Variants in SNX29 observed in about 807,000 individuals in gnomAD.
SNX29 encodes the protein sorting nexin 29, also known as sorting nexin-29.
In SNX29, 78 loss-of-function variants were observed where a neutral mutation model predicts 102.1. That is an observed-to-expected ratio of 0.76 (90% CI 0.64 to 0.92). The LOEUF (loss-of-function observed/expected upper bound fraction) is 0.92. Ranked by LOEUF, SNX29 falls within the 40% of genes least tolerant of loss-of-function variation. The pLI is 0.00. For synonymous variants in SNX29, 580 were observed against 414.5 expected, an observed-to-expected ratio of 1.40 and a Z score of -4.85; for missense variants, 1,280 against 1,061.7, an observed-to-expected ratio of 1.21 and a Z score of -2.86.
chr16:12,329,625 C>G (rs191243599), intron 15 of SNX29, among the ~76,000 whole-genome samples: 4 of 152,212 alleles, frequency 2.6e-5, no homozygotes, highest in Admixed American at 2.6e-4. Context: ...ATGCAATAAA[C>G]AGGAGTGTGT....
At chr16:12,083,940 G>A (rs1256597776) in intron 11 of SNX29, among the ~76,000 whole-genome samples, 1 of 152,180 alleles carries the variant, frequency 6.6e-6, no homozygotes, top group African/African-American at 2.4e-5. Context: ...GCGGATAATT[G>A]TGAAGTCTTC....
chr16:12,539,691 G>C (rs2077236426), intron 20 of SNX29, among the ~76,000 whole-genome samples: 1 of 152,236 alleles, frequency 6.6e-6, no homozygotes, highest in Non-Finnish European at 1.5e-5. Context: ...ACCCTGGGCA[G>C]CATGTCATAC....
intron 3 of SNX29, among the ~76,000 whole-genome samples, chr16:12,010,620 C>G (rs1221944281): frequency 6.6e-6 from 1 of 152,100 alleles, no homozygotes; most frequent in Non-Finnish European, 1.5e-5. Context: ...GAGACCTCGT[C>G]TCAAAACAAA....
At chr16:12,397,452 C>T (rs1191296325) in intron 16 of SNX29, among the ~76,000 whole-genome samples, 1 of 152,178 alleles carries the variant, frequency 6.6e-6, no homozygotes, top group African/African-American at 2.4e-5. Flanking sequence ...TACCTGTCCT[C>T]AGGTTCACTG....
intron 20 of SNX29, among the ~76,000 whole-genome samples, chr16:12,554,301 G>T (rs1021304739): frequency 6.6e-6 from 1 of 152,206 alleles, no homozygotes; most frequent in Non-Finnish European, 1.5e-5. Context: ...TTCATATGAG[G>T]TTTCAGTTTT....
intron 20 of SNX29, among the ~76,000 whole-genome samples, chr16:12,538,831 A>C (rs2077194542): frequency 6.6e-6 from 1 of 152,152 alleles, no homozygotes; most frequent in Admixed American, 6.5e-5. Context: ...GGGCACTGCA[A>C]AGTCACGTGG....
chr16:12,375,305 T>A (rs949025479), intron 16 of SNX29: 2 of 152,208 alleles, frequency 1.3e-5, no homozygotes, highest in African/African-American at 4.8e-5. Context: ...AATTTAGAAA[T>A]AGCTAAAAGG....
intron 14 of SNX29, among the ~76,000 whole-genome samples, chr16:12,234,806 C>T (rs1424827055): frequency 6.6e-6 from 1 of 152,176 alleles, no homozygotes; most frequent in Non-Finnish European, 1.5e-5. Flanking sequence ...AGGGCTATGT[C>T]CGTCTGCCTA....
chr16:11,989,359 G>C (rs147341850), intron 1 of SNX29, among the ~76,000 whole-genome samples: 1 of 152,076 alleles, frequency 6.6e-6, no homozygotes, highest in Admixed American at 6.6e-5. Flanking sequence ...TGGATGGCCC[G>C]AGCCCATCTG....
chr16:12,003,060 TAAA>T lies in SNX29; in HGVS notation c.122+19_122+21del. On this transcript the variant is annotated intron_variant, in intron 3 of 20. Coordinates refer to ENST00000566228, the MANE Select transcript of SNX29 (RefSeq NM_032167.5). ...CGACAGCAGGTAAATATGTCACTTC[TAAA>T]ACCGTTGACCATCGAGGTTGGAAAG... The T allele has an allele frequency of 6.2e-7, 1 of 1,613,990 alleles. No homozygotes were observed. Among genetic ancestry groups the T allele is most frequent in the South Asian group, 1.1e-5 (1 of 91,000 alleles).
chr16:12,334,051 GGGAAGCGAAAACAT>G (rs2081372707), intron 15 of SNX29, among the ~76,000 whole-genome samples: 2 of 152,252 alleles, frequency 1.3e-5, no homozygotes, highest in Middle Eastern at 3.4e-3. Flanking sequence ...CGGCCTTGTA[GGGAAGCGAAAACAT>G]GGCTCATCCC....
At chr16:12,243,305 C>A (rs530408108) in intron 14 of SNX29, among the ~76,000 whole-genome samples, 8 of 152,224 alleles carry the variant, frequency 5.3e-5, no homozygotes, top group Non-Finnish European at 1.0e-4. Context: ...ACCCCCTAGC[C>A]TGGACAGGTT....
intron 1 of SNX29, among the ~76,000 whole-genome samples, chr16:11,979,296 A>AAAAAAAAAAAAAAAAAAAAAAC (rs2055366519): frequency 6.7e-6 from 1 of 149,968 alleles, no homozygotes; most frequent in African/African-American, 2.5e-5. Flanking sequence ...AAAAAAAAAA[A>AAAAAAAAAAAAAAAAAAAAAAC]AAATCGTTAC....
At chr16:12,555,852 C>G (rs994932863) in intron 20 of SNX29, among the ~76,000 whole-genome samples, 1 of 152,210 alleles carries the variant, frequency 6.6e-6, no homozygotes, top group Non-Finnish European at 1.5e-5. Context: ...CCCTCACCAC[C>G]TCCATCATTT....
At chr16:12,145,259 GAA>G (rs2055019660) in intron 13 of SNX29, among the ~76,000 whole-genome samples, 1 of 151,916 alleles carries the variant, frequency 6.6e-6, no homozygotes, top group African/African-American at 2.4e-5. Context: ...TCAAAATGGG[GAA>G]AAGAGTCCCA....
chr16:12,171,989 A>G (rs2076159760), intron 13 of SNX29, among the ~76,000 whole-genome samples: 1 of 152,186 alleles, frequency 6.6e-6, no homozygotes, highest in Non-Finnish European at 1.5e-5. Flanking sequence ...TGAGATTGCC[A>G]GCAGACATCC....
At chr16:12,166,193 A>G (rs2056014243) in intron 13 of SNX29, among the ~76,000 whole-genome samples, 1 of 152,224 alleles carries the variant, frequency 6.6e-6, no homozygotes, top group South Asian at 2.1e-4. Flanking sequence ...ACAAACATTT[A>G]TTGAGCATCT....
In SNX29 at chr16:12,477,784, G is replaced by A. The variant is rs1390401242; in HGVS notation, c.2103G>A (p.Leu701=). ...IYRRYTEFRS[L]HHKLQNKYPQ... ...GCCGGTATACAGAGTTCAGGAGTTT[G>A]CACCACAAGTTACAAAACAAGTACC... Residue 701 remains leucine (L), a synonymous_variant, in exon 19 of 21, where the codon TTG becomes TTA. Coordinates refer to ENST00000566228, the MANE Select transcript of SNX29 (RefSeq NM_032167.5). 1.9e-6 allele frequency: 3 copies of A among 1,613,258 alleles called. No individual in the cohort carries two copies. The highest frequency in any genetic ancestry group is 2.5e-6 in the Non-Finnish European group (3 of 1,179,708).
chr16:12,543,324 C>T (rs549610898), intron 20 of SNX29, among the ~76,000 whole-genome samples: 1 of 152,286 alleles, frequency 6.6e-6, no homozygotes, highest in East Asian at 1.9e-4. Flanking sequence ...CTTGATTAGC[C>T]AAATCTGGGG....
Sources: allele counts gnomAD v4.1 joint callset (sites outside exome capture counted in the v4.1 genomes callset), GRCh38; gene constraint gnomAD v4.1.1; transcripts MANE v1.5; gene names NCBI Gene and HGNC (gene_info 2026-07-23, HGNC 2026-07-21).